Variants in MALRD1 observed in about 807,000 individuals in gnomAD.
The protein encoded by MALRD1 is MAM and LDL-receptor class A domain-containing protein 1.
MALRD1 carries 247 observed loss-of-function variants against 242.1 expected under a neutral mutation model. The observed-to-expected ratio is 1.02, with a 90% CI of 0.92 to 1.13. MALRD1 has a LOEUF of 1.13. MALRD1 is among the 50% of genes most tolerant of loss of function. The pLI, the probability that MALRD1 is intolerant of heterozygous loss-of-function variation, is 0.00. For synonymous variants in MALRD1, 995 were observed against 866.6 expected (o/e 1.15, Z -2.60); for missense variants, 2,989 against 2,533.1 (o/e 1.18, Z -3.86).
chr10:19,369,872 C>T (rs1293867593), intron 26 of MALRD1, among the ~76,000 whole-genome samples: 1 of 151,810 alleles, frequency 6.6e-6, no homozygotes. Flanking sequence ...TATTTATTTT[C>T]TTAATTGTGT....
At chr10:19,678,111 C>T (rs990278498) in intron 36 of MALRD1, among the ~76,000 whole-genome samples, 1 of 152,066 alleles carries the variant, frequency 6.6e-6, no homozygotes, top group Admixed American at 6.6e-5. Flanking sequence ...ATGATGCTTC[C>T]AGTTTTGTGC....
chr10:19,099,136 G>A (rs1295351256), intron 4 of MALRD1, among the ~76,000 whole-genome samples: 1 of 152,152 alleles, frequency 6.6e-6, no homozygotes, highest in African/African-American at 2.4e-5. Context: ...CTGGCCCCCA[G>A]GTAGCCTTTT....
chr10:19,253,513 C>T (rs1442144662), intron 18 of MALRD1, among the ~76,000 whole-genome samples: 1 of 151,838 alleles, frequency 6.6e-6, no homozygotes, highest in Non-Finnish European at 1.5e-5. Flanking sequence ...CAGGACTGCC[C>T]CCATGTAACT....
chr10:19,656,640 T>C (rs571627416), intron 36 of MALRD1, among the ~76,000 whole-genome samples: 1 of 152,180 alleles, frequency 6.6e-6, no homozygotes, highest in African/African-American at 2.4e-5. Context: ...GCAGCCTCCA[T>C]GTAATCTTGC....
At chr10:19,270,836 AC>A (rs1840197584) in intron 19 of MALRD1, among the ~76,000 whole-genome samples, 1 of 151,438 alleles carries the variant, frequency 6.6e-6, no homozygotes, top group Non-Finnish European at 1.5e-5. Context: ...ACACACACAC[AC>A]ACACACGCAC....
intron 29 of MALRD1, among the ~76,000 whole-genome samples, chr10:19,456,009 T>C (rs185821783): frequency 8.6e-4 from 131 of 152,260 alleles, no homozygotes; most frequent in Non-Finnish European, 1.5e-3. Context: ...GACCTCAGGG[T>C]AGAATCCAAT....
At chr10:19,426,984 G>T (rs7094477) in intron 28 of MALRD1, among the ~76,000 whole-genome samples, 1 of 151,746 alleles carries the variant, frequency 6.6e-6, no homozygotes, top group Non-Finnish European at 1.5e-5. Context: ...TTTCTTTTCC[G>T]TAATGACTGT....
At chr10:19,621,562 A>G (rs955301506) in intron 36 of MALRD1, among the ~76,000 whole-genome samples, 9 of 151,744 alleles carry the variant, frequency 5.9e-5, no homozygotes, top group African/African-American at 2.2e-4. Context: ...TAAAATAAGG[A>G]GAATCAAAGA....
intron 31 of MALRD1, among the ~76,000 whole-genome samples, chr10:19,520,008 C>T (rs141109301): frequency 2.3e-3 from 353 of 152,180 alleles, no homozygotes; most frequent in Non-Finnish European, 4.3e-3. Flanking sequence ...ACTGATGTGA[C>T]CCTTTGTAGC....
intron 32 of MALRD1, among the ~76,000 whole-genome samples, chr10:19,539,023 G>C (rs1468468893): frequency 6.6e-6 from 1 of 152,110 alleles, no homozygotes; most frequent in South Asian, 2.1e-4. Flanking sequence ...GTTATGAGCT[G>C]GTGCTATTGA....
intron 14 of MALRD1, among the ~76,000 whole-genome samples, chr10:19,177,871 GA>G (rs1197005838): frequency 1.3e-5 from 2 of 152,014 alleles, no homozygotes; most frequent in African/African-American, 4.8e-5. Context: ...AACAGGAAAG[GA>G]CCCCTCTAGA....
In MALRD1 at chr10:19,348,001, A is replaced by G. The variant is rs755297053; in HGVS notation, c.4132A>G (p.Arg1378Gly). 1.3e-6 allele frequency: 2 copies of G among 1,550,444 alleles called. No individual in the cohort carries two copies. Among genetic ancestry groups the G allele is most frequent in the South Asian group, 2.4e-5 (2 of 84,018 alleles). ...AATTTCAAGTCCAGTTATAAGTAAG[A>G]GAAGCAAAAACTGCAAGGTATGGGG... is the stretch of plus-strand genomic sequence containing the variant. Reference protein sequence around the residue: ...ARISSPVISKRSKNCKIIFHY... With the variant: ...ARISSPVISKGSKNCKIIFHY... Residue 1378 changes from arginine (R) to glycine (G), a missense_variant, in exon 25 of 40, where the codon AGA becomes GGA. Physicochemically the swap from Arg to Gly is moderately radical, Grantham distance 125. Coordinates refer to ENST00000454679, the MANE Select transcript of MALRD1 (RefSeq NM_001142308.3).
intron 36 of MALRD1, among the ~76,000 whole-genome samples, chr10:19,681,492 T>C (rs1842370678): frequency 6.6e-6 from 1 of 152,098 alleles, no homozygotes; most frequent in South Asian, 2.1e-4. Flanking sequence ...TTGTGTTGTG[T>C]TTTTTCTGCA....
At chr10:19,468,789 TC>T (rs994764684) in intron 29 of MALRD1, among the ~76,000 whole-genome samples, 1 of 151,944 alleles carries the variant, frequency 6.6e-6, no homozygotes, top group Non-Finnish European at 1.5e-5. Context: ...AGAAATACAC[TC>T]CTTGTTTAAT....
At chr10:19,670,971 C>T (rs986557727) in intron 36 of MALRD1, among the ~76,000 whole-genome samples, 16 of 151,912 alleles carry the variant, frequency 1.1e-4, no homozygotes, top group Non-Finnish European at 1.5e-4. Flanking sequence ...CTCCGCCTCC[C>T]GGGTTCACGC....
intron 36 of MALRD1, among the ~76,000 whole-genome samples, chr10:19,641,023 C>G (rs1200810063): frequency 7.9e-5 from 12 of 152,072 alleles, no homozygotes; most frequent in African/African-American, 2.9e-4. Context: ...TTCACTTTTA[C>G]TAATGGTCCC....
chr10:19,515,706 C>G (rs1833595896), intron 31 of MALRD1, among the ~76,000 whole-genome samples: 1 of 151,960 alleles, frequency 6.6e-6, no homozygotes, highest in African/African-American at 2.4e-5. Context: ...ACTACAGGCA[C>G]CCGCTACAAC....
At chr10:19,472,392 A>G (rs1030328569) in intron 29 of MALRD1, among the ~76,000 whole-genome samples, 8 of 152,040 alleles carry the variant, frequency 5.3e-5, no homozygotes, top group African/African-American at 1.7e-4. Flanking sequence ...TGGCTTTGAT[A>G]TCAGAGTGAT....
chr10:19,377,292 G>C (rs566634723), intron 26 of MALRD1, among the ~76,000 whole-genome samples: 99 of 152,106 alleles, frequency 6.5e-4, no homozygotes, highest in African/African-American at 2.3e-3. Flanking sequence ...TAATGCATGG[G>C]TTATTTTTAT....
Sources: gnomAD v4.1 joint callset for allele counts (sites outside exome capture counted in the v4.1 genomes callset) on GRCh38, gnomAD v4.1.1 for gene constraint, MANE v1.5 for transcripts, NCBI Gene and HGNC (gene_info 2026-07-23, HGNC 2026-07-21) for gene names.